The following UBAP2 variants were observed in gnomAD, a reference collection of about 807,000 sequenced individuals.
UBAP2 encodes the protein ubiquitin associated protein 2, also known as ubiquitin-associated protein 2.
A neutral mutation model predicts 139.6 loss-of-function variants in UBAP2; 75 were observed. The observed-to-expected ratio is 0.54, with a 90% CI of 0.45 to 0.65. UBAP2 has a LOEUF of 0.65. Among genes scored for constraint, UBAP2 ranks in the 30% least tolerant of loss-of-function variants. The pLI is 0.00. For synonymous variants in UBAP2, 526 were observed against 526.2 expected (o/e 1.00, Z 0.01); for missense variants, 1,368 against 1,369.6 (o/e 1.00, Z 0.02).
intron 6 of UBAP2, 85 bp from the exon 7 acceptor site, chr9:33,973,322 C>G: frequency 7.1e-7 from 1 of 1,409,328 alleles, no homozygotes; most frequent in Middle Eastern, 1.8e-4. Flanking sequence ...TACTCACTAC[C>G]CAGACAATAT....
intron 4 of UBAP2, among the ~76,000 whole-genome samples, chr9:33,992,354 T>C (rs1184055929): frequency 1.6e-5 from 2 of 124,532 alleles, no homozygotes; most frequent in Non-Finnish European, 3.2e-5. Flanking sequence ...ACGCCATTAC[T>C]CTCCAGCCTG....
intron 2 of UBAP2, among the ~76,000 whole-genome samples, chr9:33,999,647 T>G (rs1427501796): frequency 6.6e-6 from 1 of 151,754 alleles, no homozygotes; most frequent in Non-Finnish European, 1.5e-5. Flanking sequence ...TCCTCCCACC[T>G]CAGCCTCCCA....
chr9:33,946,680 T>C (rs933668888), intron 13 of UBAP2, among the ~76,000 whole-genome samples: 1 of 152,168 alleles, frequency 6.6e-6, no homozygotes, highest in African/African-American at 2.4e-5. Flanking sequence ...TGAGCCACTG[T>C]GCCCAGCTAG....
chr9:33,958,075 C>T (rs959796937), intron 10 of UBAP2, among the ~76,000 whole-genome samples: 6 of 152,078 alleles, frequency 3.9e-5, no homozygotes, highest in African/African-American at 1.4e-4. Context: ...ATTCCTCCCA[C>T]CTCTACTTCC....
chr9:33,960,934 G>A, intron 9 of UBAP2, 56 bp from the exon 10 acceptor site: 1 of 1,544,760 alleles, frequency 6.5e-7, no homozygotes, highest in Non-Finnish European at 8.9e-7. Context: ...TACAGTCTCA[G>A]TCCAAATGAT....
chr9:33,988,466 T>C (rs1821398727), intron 5 of UBAP2, among the ~76,000 whole-genome samples: 1 of 152,222 alleles, frequency 6.6e-6, no homozygotes, highest in Non-Finnish European at 1.5e-5. Flanking sequence ...GAGACCTGCC[T>C]ATGAGAAATC....
rs1387039390 is a variant in UBAP2 at position 33,924,303 on chromosome 9, G to C, written c.2512-19C>G. 1.2e-6 allele frequency: 2 copies of C among 1,608,160 alleles called. No homozygotes were observed. Among genetic ancestry groups the C allele is most frequent in the Admixed American group, 3.3e-5 (2 of 59,938 alleles). ...AGTAGTCCTAGGAGAGACCAGGGAG[G>C]CTTGATCAGCGACTGGCCCTGCTTG... On this transcript the variant is annotated intron_variant, in intron 22 of 28. Transcript: ENST00000379238.
In UBAP2 at chr9:33,939,254, T is replaced by C. The variant is rs568207863; in HGVS notation, c.1929+2395A>G. Among the ~76,000 whole-genome samples, 439 of 136,426 alleles carry C rather than the reference T, an allele frequency of 3.2e-3. 1 individual carries two copies. The highest frequency in any genetic ancestry group is 0.011 in the African/African-American group (396 of 35,500). 89.5% of individuals were successfully genotyped at this position (136,426 alleles called of 152,430 possible). ...TGTCACCCAGGCTGGAGTGCAACGG[T>C]GTGATCTCCACTCACTGCAACCTCC... On this transcript the variant is annotated intron_variant, in intron 16 of 28. Transcript: ENST00000379238.
intron 2 of UBAP2, among the ~76,000 whole-genome samples, chr9:34,000,133 A>T (rs1822577934): frequency 6.6e-6 from 1 of 151,878 alleles, no homozygotes; most frequent in African/African-American, 2.4e-5. Context: ...AATTTTTTAA[A>T]GGTAGGGTCT....
Position 33,944,484 on chromosome 9 carries a change from T to C in UBAP2, c.1426A>G (p.Thr476Ala), listed in dbSNP as rs1305946995. The C allele has an allele frequency of 3.7e-6, 6 of 1,614,074 alleles. No homozygotes were observed. The highest frequency in any genetic ancestry group is 5.1e-6 in the Non-Finnish European group (6 of 1,180,024). Residue 476 changes from threonine to alanine, a missense_variant, in exon 14 of 29, where the codon ACT becomes GCT. Transcript: ENST00000379238. ...RESTPGDSPS[T>A]VNKLLQLPST... is the part of the protein sequence containing the mutation. The stretch of plus-strand genomic sequence containing the variant: ...GGAAGCTGCAAAAGCTTGTTCACAG[T>C]GGAGGGACTGTCTCCAGGTGTTGAT...
chr9:33,945,940 T>C (rs1825624246), intron 13 of UBAP2, among the ~76,000 whole-genome samples: 1 of 152,256 alleles, frequency 6.6e-6, no homozygotes, highest in South Asian at 2.1e-4. Context: ...TAGGATCAAC[T>C]GGTAGGATAA....
intron 6 of UBAP2, among the ~76,000 whole-genome samples, chr9:33,983,625 C>A (rs1820956838): frequency 6.6e-6 from 1 of 152,104 alleles, no homozygotes; most frequent in African/African-American, 2.4e-5. Flanking sequence ...TCAATAAAGT[C>A]ATTTTATTCT....
chr9:34,024,129 C>T (rs1016261934), intron 1 of UBAP2, among the ~76,000 whole-genome samples: 2 of 151,988 alleles, frequency 1.3e-5, no homozygotes, highest in African/African-American at 4.8e-5. Flanking sequence ...GAGGCCGAGC[C>T]GGCTGGATCA....
At chr9:34,008,961 C>CAAAAA (rs773189067) in intron 2 of UBAP2, among the ~76,000 whole-genome samples, 2 of 65,714 alleles carry the variant, frequency 3.0e-5, no homozygotes, top group African/African-American at 6.4e-5. Flanking sequence ...GAGACTGTCT[C>CAAAAA]AAAAAAAAAA....
intron 16 of UBAP2, among the ~76,000 whole-genome samples, chr9:33,940,010 AGGAGGG>A (rs1825062037): frequency 1.1e-5 from 1 of 91,968 alleles, no homozygotes; most frequent in South Asian, 4.4e-4. Context: ...GAGGGGAAAG[AGGAGGG>A]GGAGGGAGAG....
At chr9:33,957,991 C>G (rs181134442) in intron 10 of UBAP2, among the ~76,000 whole-genome samples, 15 of 152,092 alleles carry the variant, frequency 9.9e-5, no homozygotes, top group African/African-American at 3.4e-4. Flanking sequence ...CTTAGTCTGT[C>G]ACCCAGGCAA....
At chr9:34,011,378 T>G (rs1345514638) in intron 2 of UBAP2, among the ~76,000 whole-genome samples, 1 of 152,134 alleles carries the variant, frequency 6.6e-6, no homozygotes, top group African/African-American at 2.4e-5. Context: ...ATCTTTTTTA[T>G]TCATAAAAGG....
At chr9:33,995,528 T>C in intron 4 of UBAP2, 1 of 72,698 alleles carries the variant, frequency 1.4e-5, no homozygotes, top group East Asian at 5.3e-4. Flanking sequence ...TATATAAATA[T>C]ATTTATATTA....
intron 2 of UBAP2, among the ~76,000 whole-genome samples, chr9:34,009,592 T>C (rs1342058478): frequency 6.6e-6 from 1 of 151,594 alleles, no homozygotes; most frequent in Non-Finnish European, 1.5e-5. Context: ...GGTAAGCCAA[T>C]AGATTCAAGC....
Sources: allele counts gnomAD v4.1 joint callset (sites outside exome capture counted in the v4.1 genomes callset), GRCh38; gene constraint gnomAD v4.1.1; transcripts MANE v1.5; gene names NCBI Gene and HGNC (gene_info 2026-07-23, HGNC 2026-07-21).